The following AUTS2 variants were observed in gnomAD, a reference collection of about 807,000 sequenced individuals.
The protein encoded by AUTS2 is activator of transcription and developmental regulator AUTS2.
A neutral mutation model predicts 112.4 loss-of-function variants in AUTS2; 17 were observed. That is an observed-to-expected ratio of 0.15 (90% CI 0.10 to 0.23). The LOEUF (loss-of-function observed/expected upper bound fraction) is 0.23, where lower values mean the gene tolerates loss of function less well. Ranked by LOEUF, AUTS2 falls within the 10% of genes least tolerant of loss-of-function variation. The probability of loss-of-function intolerance (pLI) is 1.00; values close to 1 mark genes in which losing one functional copy is unlikely to be tolerated. For synonymous variants in AUTS2, 751 were observed against 702.7 expected, an observed-to-expected ratio of 1.07 and a Z score of -1.09; for missense variants, 1,510 against 1,701.6, an observed-to-expected ratio of 0.89 and a Z score of 1.98.
intron 14 of AUTS2, among the ~76,000 whole-genome samples, chr7:70,781,202 A>T (rs1791045786): frequency 6.6e-6 from 1 of 151,954 alleles, no homozygotes; most frequent in Admixed American, 6.6e-5. Context: ...ATCGACAAAA[A>T]ATACAAAAAT....
chr7:70,623,217 A>G (rs1804767331), intron 5 of AUTS2, among the ~76,000 whole-genome samples: 1 of 152,244 alleles, frequency 6.6e-6, no homozygotes, highest in South Asian at 2.1e-4. Flanking sequence ...GTACTTGGTC[A>G]ATACTAAATA....
chr7:69,764,685 G>A (rs932816342), intron 1 of AUTS2, among the ~76,000 whole-genome samples: 1 of 152,146 alleles, frequency 6.6e-6, no homozygotes, highest in African/African-American at 2.4e-5. Context: ...TGCAAAACTT[G>A]TATATTTCAG....
At chr7:70,004,744 A>G (rs1463901832) in intron 2 of AUTS2, among the ~76,000 whole-genome samples, 3 of 151,972 alleles carry the variant, frequency 2.0e-5, no homozygotes, top group African/African-American at 7.2e-5. Flanking sequence ...TTCCCACCTC[A>G]GTTTCAGTTT....
intron 1 of AUTS2, among the ~76,000 whole-genome samples, chr7:69,853,446 C>A (rs1353642602): frequency 6.6e-6 from 1 of 151,980 alleles, no homozygotes; most frequent in Non-Finnish European, 1.5e-5. Context: ...GTAGGTACTC[C>A]TGTTTTCTTT....
intron 5 of AUTS2, among the ~76,000 whole-genome samples, chr7:70,470,191 A>G (rs1797325265): frequency 6.6e-6 from 1 of 152,182 alleles, no homozygotes; most frequent in Non-Finnish European, 1.5e-5. Context: ...CCCCTGCCCA[A>G]TCTCTGAAGT....
chr7:70,476,343 T>G (rs565913269), intron 5 of AUTS2, among the ~76,000 whole-genome samples: 1 of 152,212 alleles, frequency 6.6e-6, no homozygotes, highest in African/African-American at 2.4e-5. Flanking sequence ...CTTCTCCTCT[T>G]GCTTCTCTCT....
In AUTS2 at chr7:70,790,683, A is replaced by C. The variant is rs1563204510; in HGVS notation, c.3467A>C (p.His1156Pro). The change falls in exon 19 of 19, where the codon CAC (histidine) becomes CCC (proline). Residue 1156 changes from histidine to proline, a missense_variant. His to Pro is a moderately conservative substitution (Grantham distance 77). Coordinates refer to ENST00000342771, the MANE Select transcript of AUTS2 (RefSeq NM_015570.4). The surrounding 1 kb of genome is among the most constrained non-coding windows in gnomAD (Gnocchi z 7.6). ...CACCTGGACGAGCGGGAGCGCTTGC[A>C]CATGCTCAGAGAAGACTACGAGCAC... ...GGHLDERERL[H>P]MLREDYEHTR... The C allele has an allele frequency of 3.1e-6, 5 of 1,613,532 alleles. No homozygotes were observed. Among genetic ancestry groups the C allele is most frequent in the Non-Finnish European group, 4.2e-6 (5 of 1,179,960 alleles).
intron 5 of AUTS2, among the ~76,000 whole-genome samples, chr7:70,582,944 TC>T (rs940870414): frequency 1.3e-5 from 2 of 152,238 alleles, no homozygotes; most frequent in African/African-American, 4.8e-5. Flanking sequence ...TTTTGGCTTT[TC>T]CCCCCAAACT....
At chr7:70,101,912 T>C (rs1804517292) in intron 2 of AUTS2, among the ~76,000 whole-genome samples, 1 of 152,154 alleles carries the variant, frequency 6.6e-6, no homozygotes, top group Non-Finnish European at 1.5e-5. Flanking sequence ...TTCTCCATAT[T>C]ATTGCTGTAA....
chr7:70,601,562 A>G (rs1236353129), intron 5 of AUTS2, among the ~76,000 whole-genome samples: 1 of 152,202 alleles, frequency 6.6e-6, no homozygotes, highest in Non-Finnish European at 1.5e-5. Flanking sequence ...TTCACATTCT[A>G]TTACAATTCG....
intron 2 of AUTS2, among the ~76,000 whole-genome samples, chr7:70,017,156 G>T (rs572301594): frequency 1.3e-5 from 2 of 152,288 alleles, no homozygotes; most frequent in African/African-American, 4.8e-5. Flanking sequence ...TTCATCACTT[G>T]TAACATTACC....
At chr7:70,004,090 G>A (rs567098230) in intron 2 of AUTS2, among the ~76,000 whole-genome samples, 3 of 126,366 alleles carry the variant, frequency 2.4e-5, no homozygotes, top group East Asian at 4.5e-4. Context: ...TGTGTTATAT[G>A]TGAATATATA....
intron 4 of AUTS2, among the ~76,000 whole-genome samples, chr7:70,279,321 G>T (rs550927946): frequency 4.3e-4 from 66 of 152,284 alleles, no homozygotes; most frequent in African/African-American, 1.4e-3. Context: ...ACCAGTAATG[G>T]GGGCCAAATG....
intron 2 of AUTS2, among the ~76,000 whole-genome samples, chr7:70,022,323 ATT>A (rs373158257): frequency 7.8e-5 from 11 of 140,964 alleles, no homozygotes; most frequent in Admixed American, 7.1e-5. Context: ...AGACTAATAG[ATT>A]TTTTTTTTTT....
intron 1 of AUTS2, among the ~76,000 whole-genome samples, chr7:69,657,874 G>A (rs921761901): frequency 3.9e-5 from 6 of 152,200 alleles, no homozygotes; most frequent in African/African-American, 1.4e-4. Context: ...GTCTTAAAAA[G>A]CAGGGAAATT....
At chr7:70,238,444 C>T (rs1344390130) in intron 4 of AUTS2, among the ~76,000 whole-genome samples, 9 of 152,274 alleles carry the variant, frequency 5.9e-5, no homozygotes, top group Middle Eastern at 3.4e-3. Context: ...CCTCTTAGAT[C>T]GTGGACTGCC....
intron 5 of AUTS2, among the ~76,000 whole-genome samples, chr7:70,607,607 G>A (rs777517689): frequency 9.9e-5 from 15 of 152,162 alleles, no homozygotes; most frequent in South Asian, 2.1e-4. Context: ...AGTGTGCAAT[G>A]CCCATGCCAT....
At chr7:69,933,167 T>G (rs1323308922) in intron 2 of AUTS2, among the ~76,000 whole-genome samples, 3 of 152,242 alleles carry the variant, frequency 2.0e-5, no homozygotes, top group African/African-American at 7.2e-5. Flanking sequence ...AATGCTTCTT[T>G]AGAGTACTAA....
chr7:69,853,207 C>T (rs1002000514), intron 1 of AUTS2, among the ~76,000 whole-genome samples: 1 of 152,122 alleles, frequency 6.6e-6, no homozygotes, highest in Non-Finnish European at 1.5e-5. Flanking sequence ...TCTAGTTGCT[C>T]TATCAATTAA....
Sources: allele counts gnomAD v4.1 joint callset (sites outside exome capture counted in the v4.1 genomes callset), GRCh38; gene constraint gnomAD v4.1.1; non-coding constraint Gnocchi (gnomAD v3.1); transcripts MANE v1.5; gene names NCBI Gene and HGNC (gene_info 2026-07-23, HGNC 2026-07-21).